Variants in YIF1B observed in about 807,000 individuals in gnomAD.
YIF1B encodes Yip1 interacting factor homolog B, membrane trafficking protein, also known as protein YIF1B.
Under a neutral mutation model 34.6 loss-of-function variants are expected in YIF1B, and 24 were observed. That is an observed-to-expected ratio of 0.69 (90% CI 0.50 to 0.98). The LOEUF is 0.98. Ranked by LOEUF, YIF1B falls within the 50% of genes least tolerant of loss-of-function variation. The pLI, the probability that YIF1B is intolerant of heterozygous loss-of-function variation, is 0.00. For missense variants in YIF1B, 368 were observed against 429.4 expected (o/e 0.86, Z 1.26); for synonymous variants, 186 against 184.8 (o/e 1.01, Z -0.05).
In YIF1B at chr19:38,305,329, A is replaced by G. The variant is rs897178197; in HGVS notation, c.*23T>C. 3.1e-6 allele frequency: 5 copies of G among 1,592,512 alleles called. No individual in the cohort carries two copies. Among genetic ancestry groups the G allele is most frequent in the Non-Finnish European group, 4.3e-6 (5 of 1,166,286 alleles). On this transcript the variant is annotated 3_prime_UTR_variant, in exon 8 of 8. Transcript: ENST00000339413. ...AGTGGCCCCCAGCAGCAGCAGCAGC[A>G]GCGGGAGGTTCAGCGGGCGCGCTCA... is the stretch of plus-strand genomic sequence containing the variant.
chr19:38,318,276 T>A (rs1969606200), upstream of YIF1B, among the ~76,000 whole-genome samples: 1 of 151,452 alleles, frequency 6.6e-6, no homozygotes, highest in Admixed American at 6.6e-5. Flanking sequence ...CCTTACCAGT[T>A]GTGTGACTAC....
intron 5 of YIF1B, among the ~76,000 whole-genome samples, chr19:38,308,179 C>T (rs1231229722): frequency 1.3e-5 from 2 of 152,320 alleles, no homozygotes; most frequent in African/African-American, 4.8e-5. Context: ...GGGGCCTGAT[C>T]TAGCCTGGGG....
chr19:38,312,718 C>T (rs1050157293), intron 1 of YIF1B, among the ~76,000 whole-genome samples: 2 of 151,670 alleles, frequency 1.3e-5, no homozygotes, highest in African/African-American at 4.8e-5. Flanking sequence ...TGGATGTTCT[C>T]ATCTACACAA....
In YIF1B at chr19:38,304,090, A is replaced by T; in HGVS notation, c.*1262T>A. ...TGTCCATCTCCCCCACTTCTCACAG[A>T]GGAAATCCTGGGTGGTGCCGGGCAA... On this transcript the variant is annotated 3_prime_UTR_variant, in exon 8 of 8. Coordinates refer to ENST00000339413, the MANE Select transcript of YIF1B (RefSeq NM_001039672.3). 1 of 797,110 alleles carries T rather than the reference A, an allele frequency of 1.3e-6. No homozygotes were observed. Among genetic ancestry groups the T allele is most frequent in the Non-Finnish European group, 2.0e-6 (1 of 512,512 alleles). The allele number at this position is 797,110 out of a possible 1,614,324, so 49.4% of individuals were successfully genotyped here. A position where few individuals can be genotyped will look rare whatever the true frequency, so the allele number is the denominator to read the frequency against.
At chr19:38,315,958 C>A, upstream of YIF1B, 1 of 1,393,086 alleles carries the variant, frequency 7.2e-7, no homozygotes, top group South Asian at 1.6e-5. Context: ...GGAGCGTGCC[C>A]GCCCGGCTCC....
intron 1 of YIF1B, 144 bp from the exon 2 acceptor site, chr19:38,309,787 G>A: frequency 1.4e-6 from 2 of 1,438,294 alleles, no homozygotes; most frequent in Non-Finnish European, 9.1e-7. Context: ...ATGTCAGATG[G>A]ACTGGCAGGT....
chr19:38,304,937 G>A lies in YIF1B; in HGVS notation c.*415C>T, dbSNP rs1968933246. On this transcript the variant is annotated 3_prime_UTR_variant, in exon 8 of 8. Coordinates refer to ENST00000339413, the MANE Select transcript of YIF1B (RefSeq NM_001039672.3). Reference sequence around the variant, plus strand: ...AGAAGGAGAAGGGCAAGAAGGAGAAGGGCAAGAAGAAGGAGGCTCCCCACT... The same window carrying A: ...AGAAGGAGAAGGGCAAGAAGGAGAAAGGCAAGAAGAAGGAGGCTCCCCACT... 6.2e-7 allele frequency: 1 copy of A among 1,611,314 alleles called. No homozygotes were observed. The highest frequency in any genetic ancestry group is 1.3e-5 in the African/African-American group (1 of 74,380).
chr19:38,320,223 G>A (rs556019379), upstream of YIF1B: 25 of 1,604,700 alleles, frequency 1.6e-5, no homozygotes, highest in Non-Finnish European at 2.1e-5. Flanking sequence ...ACCCCGCCTG[G>A]GACTTCGCCT....
At position 38,309,446 on chromosome 19, in the gene YIF1B, T is replaced by G. The variant is rs146945186; in HGVS notation, c.256A>C (p.Ser86Arg). ...TCCTTGCCCTGCGCGGCCAGGCTGCTCCCATAGGCCATGGCCATGTTGGAC... is the reference window on the plus strand; with the variant it reads ...TCCTTGCCCTGCGCGGCCAGGCTGCGCCCATAGGCCATGGCCATGTTGGAC... ...PVSNMAMAYG[S>R]SLAAQGKELV... Residue 86 changes from serine to arginine, a missense_variant, in exon 2 of 8, where the codon AGC becomes CGC. Physicochemically the swap from Ser to Arg is moderately radical, Grantham distance 110. Transcript: ENST00000339413. The G allele has an allele frequency of 1.1e-4, 182 of 1,613,746 alleles. No homozygotes were observed. In the African/African-American group the frequency reaches 2.3e-3, roughly 20 times the overall value.
At chr19:38,316,027 C>G, upstream of YIF1B, 1 of 1,328,250 alleles carries the variant, frequency 7.5e-7, no homozygotes, top group Non-Finnish European at 9.6e-7. Context: ...GAGGGAAGGC[C>G]TCGCCCCCAC....
At chr19:38,312,241 T>C (rs1287632158) in intron 1 of YIF1B, among the ~76,000 whole-genome samples, 1 of 151,976 alleles carries the variant, frequency 6.6e-6, no homozygotes, top group Admixed American at 6.6e-5. Context: ...GCCAACATAG[T>C]GAAACCCCAT....
chr19:38,319,983 G>GGCCGCGTAC, upstream of YIF1B: 1 of 1,472,660 alleles, frequency 6.8e-7, no homozygotes, highest in Middle Eastern at 2.4e-4. Flanking sequence ...CGGGCGCCTT[G>GGCCGCGTAC]GCCGCGTACG....
chr19:38,303,590 T>A lies in YIF1B; in HGVS notation c.*1762A>T, dbSNP rs951741039. Among the ~76,000 whole-genome samples the A allele has an allele frequency of 1.3e-5, 2 of 152,152 alleles. No homozygotes were observed. The highest frequency in any genetic ancestry group is 2.9e-5 in the Non-Finnish European group (2 of 68,030). On this transcript the variant is annotated 3_prime_UTR_variant, in exon 8 of 8. Transcript: ENST00000339413. ...CCTAAAACACCTACCTTTTATTTTT[T>A]AAAAAACCAACACATTATCAGTACT...
upstream of YIF1B, chr19:38,320,112 G>A: frequency 6.4e-7 from 1 of 1,574,362 alleles, no homozygotes; most frequent in Non-Finnish European, 8.6e-7. Flanking sequence ...GCCCGTGTGT[G>A]GCTGCCCCCG....
chr19:38,306,677 A>ATTT, intron 7 of YIF1B: 1 of 246,536 alleles, frequency 4.1e-6, no homozygotes, highest in African/African-American at 2.4e-5. Context: ...AACTGAGTTT[A>ATTT]TTTTTTATTT....
chr19:38,308,756 C>A (rs554203864), intron 5 of YIF1B, 36 bp downstream of exon 5: 79 of 1,613,426 alleles, frequency 4.9e-5, no homozygotes, highest in Non-Finnish European at 6.7e-5. Context: ...GCCTCCCAAA[C>A]CCCACCTTAT....
chr19:38,310,362 G>A (rs376208218), intron 1 of YIF1B, among the ~76,000 whole-genome samples: 1 of 133,568 alleles, frequency 7.5e-6, no homozygotes, highest in Admixed American at 7.8e-5. Context: ...CACCTATCTA[G>A]CCAACTATCC....
At chr19:38,307,262 T>G in intron 7 of YIF1B, 166 bp downstream of exon 7, 2 of 686,922 alleles carry the variant, frequency 2.9e-6, no homozygotes, top group Admixed American at 5.2e-5. Flanking sequence ...ATACCCCCTC[T>G]TCCAGGAAGC....
chr19:38,311,008 G>C (rs1969306743), intron 1 of YIF1B, among the ~76,000 whole-genome samples: 1 of 152,090 alleles, frequency 6.6e-6, no homozygotes, highest in Non-Finnish European at 1.5e-5. Flanking sequence ...TGGGGATCTT[G>C]ATCTCGTTCA....
Sources: gnomAD v4.1 joint callset for allele counts (sites outside exome capture counted in the v4.1 genomes callset) on GRCh38, gnomAD v4.1.1 for gene constraint, MANE v1.5 for transcripts, NCBI Gene and HGNC (gene_info 2026-07-23, HGNC 2026-07-21) for gene names.